EXT1: variants seen among roughly 807,000 people sequenced by gnomAD.
The protein encoded by EXT1 is exostosin-1.
In EXT1, 20 loss-of-function variants were observed where a neutral mutation model predicts 82.5. That is an observed-to-expected ratio of 0.24 (90% CI 0.17 to 0.35). The LOEUF is 0.35. Ranked by LOEUF, EXT1 falls within the 10% of genes least tolerant of loss-of-function variation. The pLI is 1.00. For synonymous variants in EXT1, 348 were observed against 350.8 expected, an observed-to-expected ratio of 0.99 and a Z score of 0.09; for missense variants, 757 against 936.5, an observed-to-expected ratio of 0.81 and a Z score of 2.50.
At chr8:117,805,015 A>AATGATG in intron 9 of EXT1, 122 bp from the exon 10 acceptor site, 2 of 843,868 alleles carry the variant, frequency 2.4e-6, no homozygotes, top group Non-Finnish European at 3.9e-6. Context: ...TGGTAATGAT[A>AATGATG]ATGATGATGA....
chr8:117,807,457 T>A, intron 8 of EXT1, 80 bp from the exon 9 acceptor site: 1 of 1,517,850 alleles, frequency 6.6e-7, no homozygotes, highest in Non-Finnish European at 9.1e-7. Flanking sequence ...CCCCACTAAT[T>A]CATAATGCAA....
chr8:117,876,824 C>A (rs906901326), intron 1 of EXT1, among the ~76,000 whole-genome samples: 1 of 152,044 alleles, frequency 6.6e-6, no homozygotes, highest in Non-Finnish European at 1.5e-5. Context: ...TACGGAAGCG[C>A]GTATTAAGTC....
intron 1 of EXT1, among the ~76,000 whole-genome samples, chr8:118,058,038 C>G (rs1423693077): frequency 6.6e-6 from 1 of 151,404 alleles, no homozygotes; most frequent in Non-Finnish European, 1.5e-5. Flanking sequence ...GAGCAAACCA[C>G]TGTCACTACC....
chr8:117,953,931 A>G (rs1221381001), intron 1 of EXT1, among the ~76,000 whole-genome samples: 2 of 152,072 alleles, frequency 1.3e-5, no homozygotes, highest in African/African-American at 4.8e-5. Flanking sequence ...AAAAAATAAA[A>G]ATAAAAATAA....
intron 1 of EXT1, among the ~76,000 whole-genome samples, chr8:117,933,227 C>G (rs1328527374): frequency 7.3e-6 from 1 of 137,332 alleles, no homozygotes; most frequent in African/African-American, 2.7e-5. Context: ...CTCAGATGTT[C>G]TGCTGGGTAT....
rs569331663 is a variant in EXT1 at position 117,835,612 on chromosome 8, A to G, written c.1057-61T>C. 4 of 1,274,520 alleles carry G rather than the reference A, an allele frequency of 3.1e-6. No homozygotes were observed. The East Asian group carries it at 6.9e-5, about 22-fold the overall frequency. 79.0% of individuals were successfully genotyped at this position (1,274,520 alleles called of 1,614,324 possible). ...AGCGACAGCAGAAGCTGTTCCAATCAGAGGTGAAATCAGTACAAACTCAAT... is the reference window on the plus strand; with the variant it reads ...AGCGACAGCAGAAGCTGTTCCAATCGGAGGTGAAATCAGTACAAACTCAAT... On this transcript the variant is annotated intron_variant, in intron 2 of 10. Coordinates refer to ENST00000378204, the MANE Select transcript of EXT1 (RefSeq NM_000127.3).
chr8:118,014,449 C>G (rs1815965139), intron 1 of EXT1, among the ~76,000 whole-genome samples: 1 of 152,192 alleles, frequency 6.6e-6, no homozygotes, highest in South Asian at 2.1e-4. Context: ...CCGTGCATCC[C>G]TTCAACCAGT....
intron 3 of EXT1, among the ~76,000 whole-genome samples, chr8:117,832,528 A>AAAAAAGAAAAG (rs550383383): frequency 1.1e-4 from 16 of 151,416 alleles, no homozygotes; most frequent in Non-Finnish European, 2.4e-4. Context: ...CTTAAAAAAA[A>AAAAAAGAAAAG]AAAAGAAAAG....
rs2129700947 is a variant in EXT1, at chr8:117,807,229, G to C, written c.1871C>G (p.Ala624Gly). Reference sequence around the variant, plus strand: ...CCAGATTCCTCACTTGTGGTAAATAGCAGCTCCTGTCAACACCATGGAGTA... The same window carrying C: ...CCAGATTCCTCACTTGTGGTAAATACCAGCTCCTGTCAACACCATGGAGTA... ...NDYSMVLTGAAIYHKYYHYLY... is the reference protein window; with the variant it reads ...NDYSMVLTGAGIYHKYYHYLY... Residue 624 changes from alanine (A) to glycine (G), a missense_variant, in exon 9 of 11, where the codon GCT becomes GGT. By Grantham distance (60) the Ala-to-Gly change is moderately conservative. Transcript: ENST00000378204. 1 of 1,614,154 alleles carries C rather than the reference G, an allele frequency of 6.2e-7. No homozygotes were observed. Among genetic ancestry groups the C allele is most frequent in the Non-Finnish European group, 8.5e-7 (1 of 1,180,026 alleles).
At chr8:117,890,219 A>G (rs1813219268) in intron 1 of EXT1, among the ~76,000 whole-genome samples, 1 of 152,262 alleles carries the variant, frequency 6.6e-6, no homozygotes, top group Non-Finnish European at 1.5e-5. Flanking sequence ...AGTTATTTGA[A>G]TAATATCAAA....
intron 1 of EXT1, among the ~76,000 whole-genome samples, chr8:118,100,347 T>C (rs550939852): frequency 6.6e-6 from 1 of 152,160 alleles, no homozygotes; most frequent in Admixed American, 6.5e-5. Flanking sequence ...TTTTCGGCTC[T>C]TTGCAACATA....
intron 1 of EXT1, among the ~76,000 whole-genome samples, chr8:117,848,541 A>G (rs1269088103): frequency 6.6e-6 from 1 of 152,146 alleles, no homozygotes; most frequent in Non-Finnish European, 1.5e-5. Context: ...GAGGTGGACC[A>G]GATGGCCCAA....
intron 4 of EXT1, among the ~76,000 whole-genome samples, chr8:117,825,392 T>C (rs948301157): frequency 6.6e-6 from 1 of 152,214 alleles, no homozygotes; most frequent in African/African-American, 2.4e-5. Context: ...TGGCACTTAG[T>C]GCTTAGTCTT....
chr8:117,849,471 A>T (rs1051401975), intron 1 of EXT1, among the ~76,000 whole-genome samples: 1 of 152,262 alleles, frequency 6.6e-6, no homozygotes, highest in African/African-American at 2.4e-5. Context: ...TATAAAGCCT[A>T]GGTCATAAAG....
chr8:118,022,323 ATTCTTTTTTTTT>A lies in EXT1; in HGVS notation c.962+87750_962+87761del, dbSNP rs1180416049. 8.3e-5 allele frequency among the ~76,000 whole-genome samples: 8 copies of A among 96,736 alleles called. No homozygotes were observed. In the East Asian group the frequency reaches 2.7e-3, roughly 33 times the overall value. 63.5% of individuals were successfully genotyped at this position (96,736 alleles called of 152,430 possible). On this transcript the variant is annotated intron_variant, in intron 1 of 10. Coordinates refer to ENST00000378204, the MANE Select transcript of EXT1 (RefSeq NM_000127.3). ...GATATACTTGGCCGGGCGCATATAT[ATTCTTTTTTTTT>A]TTTTTTTTTTTTTTTTTTTTGAGAT... is the stretch of plus-strand genomic sequence containing the variant.
At chr8:118,047,716 GA>G (rs902026045) in intron 1 of EXT1, among the ~76,000 whole-genome samples, 1 of 152,024 alleles carries the variant, frequency 6.6e-6, no homozygotes, top group African/African-American at 2.4e-5. Flanking sequence ...TACTTAATAC[GA>G]AAAAATATCT....
rs997319985 is a variant in EXT1, at chr8:117,801,589, TC to T, written c.2056-1693del. Reference sequence around the variant, plus strand: ...GGCATGATCTTGGCTCACTGCAACCTCCACCACATGGGTTCAAGTGATTCTT... The same window carrying T: ...GGCATGATCTTGGCTCACTGCAACCTCACCACATGGGTTCAAGTGATTCTT... On this transcript the variant is annotated intron_variant, in intron 10 of 10. Coordinates refer to ENST00000378204, the MANE Select transcript of EXT1 (RefSeq NM_000127.3). Among the ~76,000 whole-genome samples, 77 of 152,260 alleles carry T rather than the reference TC, an allele frequency of 5.1e-4. 1 individual carries two copies. Among genetic ancestry groups the T allele is most frequent in the African/African-American group, 1.7e-3 (70 of 41,550 alleles).
chr8:117,907,177 T>C, intron 1 of EXT1, among the ~76,000 whole-genome samples: 1 of 152,252 alleles, frequency 6.6e-6, no homozygotes, highest in East Asian at 1.9e-4. Context: ...AGTCTACTAA[T>C]ATCCTGATTA....
At chr8:118,028,632 A>T (rs944259070) in intron 1 of EXT1, among the ~76,000 whole-genome samples, 13 of 151,300 alleles carry the variant, frequency 8.6e-5, no homozygotes, top group Admixed American at 4.0e-4. Context: ...AAAATAAAAT[A>T]AAAAAAAAGT....
Sources: allele counts gnomAD v4.1 joint callset (sites outside exome capture counted in the v4.1 genomes callset), GRCh38; gene constraint gnomAD v4.1.1; transcripts MANE v1.5; gene names NCBI Gene and HGNC (gene_info 2026-07-23, HGNC 2026-07-21).